SLC43A2: variants seen among roughly 807,000 people sequenced by gnomAD.
SLC43A2 encodes the protein large neutral amino acids transporter small subunit 4.
Under a neutral mutation model 63.2 loss-of-function variants are expected in SLC43A2, and 38 were observed. That is an observed-to-expected ratio of 0.60 (90% CI 0.46 to 0.79). The LOEUF (loss-of-function observed/expected upper bound fraction) is 0.79, where lower values mean the gene tolerates loss of function less well. SLC43A2 is among the 30% of genes least tolerant of loss of function. The probability of loss-of-function intolerance (pLI) is 0.00; values close to 1 mark genes in which losing one functional copy is unlikely to be tolerated. For synonymous variants in SLC43A2, 322 were observed against 331.0 expected (o/e 0.97, Z 0.30); for missense variants, 644 against 756.2 (o/e 0.85, Z 1.74).
intron 5 of SLC43A2, among the ~76,000 whole-genome samples, chr17:1,594,568 G>C (rs1404129311): frequency 6.8e-6 from 1 of 148,130 alleles, no homozygotes; most frequent in Non-Finnish European, 1.5e-5. Flanking sequence ...CATTTGTCTT[G>C]AATCTTTTTC....
chr17:1,627,794 C>G lies in SLC43A2; in HGVS notation c.81G>C (p.Ser27=), dbSNP rs1908803079. Residue 27 remains serine (S), a synonymous_variant, in exon 2 of 14, where the codon TCG becomes TCC. Coordinates refer to ENST00000301335, the MANE Select transcript of SLC43A2 (RefSeq NM_152346.3). ...GCGAGCCCCAGCCCAGGAGGACTGCCGAGAAGAGGAGGTTCTCCAGCACGG... is the reference window on the plus strand; with the variant it reads ...GCGAGCCCCAGCCCAGGAGGACTGCGGAGAAGAGGAGGTTCTCCAGCACGG... ...CTAVLENLLF[S]AVLLGWGSLL... 17 of 1,598,292 alleles carry G rather than the reference C, an allele frequency of 1.1e-5. No individual in the cohort carries two copies. Among genetic ancestry groups the G allele is most frequent in the Non-Finnish European group, 1.4e-5 (16 of 1,172,716 alleles).
At position 1,578,557 on chromosome 17, in the gene SLC43A2, T is replaced by G; in HGVS notation, c.1351-234A>C. Reference sequence around the variant, plus strand: ...TTTTTGTTTTGTTTGAGAAGAAGTCTTGCTTTGTCGCCCAGGCTGGAGTGC... The same window carrying G: ...TTTTTGTTTTGTTTGAGAAGAAGTCGTGCTTTGTCGCCCAGGCTGGAGTGC... On this transcript the variant is annotated intron_variant, in intron 11 of 13. Transcript: ENST00000301335. The surrounding 1 kb of genome is among the most constrained non-coding windows in gnomAD (Gnocchi z 6.5). The G allele has an allele frequency of 3.8e-6, 2 of 524,364 alleles. No individual in the cohort carries two copies. The highest frequency in any genetic ancestry group is 6.9e-6 in the Non-Finnish European group (2 of 291,910). 32.5% of individuals were successfully genotyped at this position (524,364 alleles called of 1,614,324 possible). A position where few individuals can be genotyped will look rare whatever the true frequency, so the allele number is the denominator to read the frequency against.
chr17:1,592,912 C>T (rs1397773031), intron 6 of SLC43A2, among the ~76,000 whole-genome samples: 1 of 152,184 alleles, frequency 6.6e-6, no homozygotes, highest in Non-Finnish European at 1.5e-5. Context: ...AGACTCACAA[C>T]TGGAAACAGA....
At chr17:1,612,749 A>G (rs1211773140) in intron 5 of SLC43A2, among the ~76,000 whole-genome samples, 1 of 152,254 alleles carries the variant, frequency 6.6e-6, no homozygotes, top group African/African-American at 2.4e-5. Context: ...AGGCGGGTGG[A>G]TCACCTGAGG....
intron 11 of SLC43A2, among the ~76,000 whole-genome samples, chr17:1,582,007 A>G (rs543522529): frequency 6.6e-6 from 1 of 151,664 alleles, no homozygotes; most frequent in Non-Finnish European, 1.5e-5. Flanking sequence ...GGGTTTCACC[A>G]TTTTGGATAG....
At position 1,590,371 on chromosome 17, in the gene SLC43A2, C is replaced by T. The variant is rs113225675; in HGVS notation, c.1078+431G>A. The stretch of plus-strand genomic sequence containing the variant: ...TCCCAGTGTGGGCCAGTTGCCCCAG[C>T]GTCTCCAGCCCCGTCCTGACCTCGA... On this transcript the variant is annotated intron_variant, in intron 9 of 13. Coordinates refer to ENST00000301335, the MANE Select transcript of SLC43A2 (RefSeq NM_152346.3). Among the ~76,000 whole-genome samples the T allele has an allele frequency of 7.3e-3, 1,114 of 152,148 alleles. 29 individuals are homozygous for T. The highest frequency in any genetic ancestry group is 0.025 in the African/African-American group (1,034 of 41,514).
upstream of SLC43A2, among the ~76,000 whole-genome samples, chr17:1,629,276 A>C (rs1908978506): frequency 6.6e-6 from 1 of 151,074 alleles, no homozygotes. Context: ...CACCACGCCC[A>C]GATGCGCCGG....
chr17:1,596,929 C>T (rs138268334), intron 5 of SLC43A2, among the ~76,000 whole-genome samples: 155 of 152,170 alleles, frequency 1.0e-3, no homozygotes, highest in African/African-American at 3.4e-3. Context: ...CAAAAAGTCA[C>T]AGTGAGGCCA....
chr17:1,591,200 G>A, intron 8 of SLC43A2, 69 bp downstream of exon 8: 2 of 1,562,434 alleles, frequency 1.3e-6, no homozygotes, highest in Non-Finnish European at 1.7e-6. Context: ...GGGTGAGGTG[G>A]GAATGGGGTG....
chr17:1,628,036 G>A, intron 1 of SLC43A2, 116 bp from the exon 2 acceptor site: 3 of 1,061,776 alleles, frequency 2.8e-6, no homozygotes, highest in Non-Finnish European at 2.4e-6. Context: ...GGCCGCGGCG[G>A]CCGGTGCGCG....
chr17:1,576,936 C>G (rs1038019916), intron 12 of SLC43A2, among the ~76,000 whole-genome samples: 2 of 150,896 alleles, frequency 1.3e-5, no homozygotes, highest in African/African-American at 4.9e-5. Context: ...ACGATCTCGG[C>G]TCACTGCAAC....
At chr17:1,575,916 T>A (rs1182050148) in intron 13 of SLC43A2, 151 bp from the exon 14 acceptor site, 6 of 923,808 alleles carry the variant, frequency 6.5e-6, no homozygotes, top group African/African-American at 5.0e-5. Context: ...TATGCCAGCG[T>A]CCCGGTTCCC....
At position 1,606,923 on chromosome 17, in the gene SLC43A2, C is replaced by T. The variant is rs1236371416; in HGVS notation, c.501+6272G>A. On this transcript the variant is annotated intron_variant, in intron 5 of 13. Transcript: ENST00000301335. This position sits in a 1 kb window ranked among gnomAD's most constrained non-coding sequence, Gnocchi z 4.7. ...GAGCCTCCACTTGGGAGGGAAATAC[C>T]ACCATGGGTGCCGACCTCTTGGGCT... is the stretch of plus-strand genomic sequence containing the variant. Among the ~76,000 whole-genome samples, 1 of 152,234 alleles carries T rather than the reference C, an allele frequency of 6.6e-6. No individual in the cohort carries two copies. Among genetic ancestry groups the T allele is most frequent in the African/African-American group, 2.4e-5 (1 of 41,464 alleles).
At chr17:1,592,332 C>T (rs1174355651) in intron 6 of SLC43A2, among the ~76,000 whole-genome samples, 1 of 152,212 alleles carries the variant, frequency 6.6e-6, no homozygotes, top group African/African-American at 2.4e-5. Flanking sequence ...GAGGCTGAGG[C>T]AGGAGAATCA....
intron 5 of SLC43A2, among the ~76,000 whole-genome samples, chr17:1,601,784 C>T (rs1364939583): frequency 5.3e-5 from 8 of 151,052 alleles, no homozygotes; most frequent in Non-Finnish European, 7.4e-5. Context: ...ACTGAGACTA[C>T]CCCAGGCGTG....
chr17:1,581,833 C>T (rs1172084042), intron 11 of SLC43A2, among the ~76,000 whole-genome samples: 6 of 150,298 alleles, frequency 4.0e-5, no homozygotes, highest in Non-Finnish European at 5.9e-5. Context: ...TGAGACACAG[C>T]CTCACTCTGT....
At position 1,593,109 on chromosome 17, in the gene SLC43A2, G is replaced by T; in HGVS notation, c.594+78C>A. The T allele has an allele frequency of 7.1e-7, 1 of 1,408,716 alleles. No homozygotes were observed. The highest frequency in any genetic ancestry group is 9.9e-7 in the Non-Finnish European group (1 of 1,012,686). The allele number at this position is 1,408,716 out of a possible 1,614,324, so 87.3% of individuals were successfully genotyped here. On this transcript the variant is annotated intron_variant, in intron 6 of 13. Coordinates refer to ENST00000301335, the MANE Select transcript of SLC43A2 (RefSeq NM_152346.3). This position sits in a 1 kb window ranked among gnomAD's most constrained non-coding sequence, Gnocchi z 5.3. ...GGGGCCACCCCGGGTGCCCACAATT[G>T]CCTCCCTCTTCAGAGAGGGTGGAAG...
rs547142238 is a variant in SLC43A2 at position 1,618,578 on chromosome 17, C to T, written c.161-1809G>A. Among the ~76,000 whole-genome samples, 58 of 152,356 alleles carry T rather than the reference C, an allele frequency of 3.8e-4. 1 individual carries two copies. The highest frequency in any genetic ancestry group is 1.2e-3 in the Admixed American group (19 of 15,304). ...CGTGTGTGGAAGCGCAAAGACATGT[C>T]TAATCCCCCACTGGGCTGTGAGCCC... On this transcript the variant is annotated intron_variant, in intron 2 of 13. Coordinates refer to ENST00000301335, the MANE Select transcript of SLC43A2 (RefSeq NM_152346.3).
In SLC43A2 at chr17:1,578,576, G is replaced by A; in HGVS notation, c.1351-253C>T. The A allele has an allele frequency of 4.1e-6, 2 of 491,444 alleles. No individual in the cohort carries two copies. Among genetic ancestry groups the A allele is most frequent in the Non-Finnish European group, 7.3e-6 (2 of 272,200 alleles). 30.4% of individuals were successfully genotyped at this position (491,444 alleles called of 1,614,324 possible). On this transcript the variant is annotated intron_variant, in intron 11 of 13. Coordinates refer to ENST00000301335, the MANE Select transcript of SLC43A2 (RefSeq NM_152346.3). This position sits in a 1 kb window ranked among gnomAD's most constrained non-coding sequence, Gnocchi z 6.5. Reference sequence around the variant, plus strand: ...GAAGTCTTGCTTTGTCGCCCAGGCTGGAGTGCAGTGGCGTGATCTTGGCTC... The same window carrying A: ...GAAGTCTTGCTTTGTCGCCCAGGCTAGAGTGCAGTGGCGTGATCTTGGCTC...
Sources: gnomAD v4.1 joint callset for allele counts (sites outside exome capture counted in the v4.1 genomes callset) on GRCh38, gnomAD v4.1.1 for gene constraint, Gnocchi (gnomAD v3.1) non-coding constraint, MANE v1.5 for transcripts, NCBI Gene and HGNC (gene_info 2026-07-23, HGNC 2026-07-21) for gene names.